The following DTNB variants were observed in gnomAD, a reference collection of about 807,000 sequenced individuals.
DTNB encodes dystrobrevin beta, also known as DTN-B.
A neutral mutation model predicts 90.7 loss-of-function variants in DTNB; 63 were observed. The observed-to-expected ratio is 0.69, with a 90% CI of 0.57 to 0.86. DTNB has a LOEUF of 0.86. DTNB is among the 40% of genes least tolerant of loss of function. The pLI, the probability that DTNB is intolerant of heterozygous loss-of-function variation, is 0.00. For synonymous variants in DTNB, 277 were observed against 286.7 expected, an observed-to-expected ratio of 0.97 and a Z score of 0.34; for missense variants, 744 against 807.1, an observed-to-expected ratio of 0.92 and a Z score of 0.95.
chr2:25,628,735 T>C lies in DTNB; in HGVS notation c.149-351A>G, dbSNP rs563049386. 9.2e-5 allele frequency among the ~76,000 whole-genome samples: 14 copies of C among 152,360 alleles called. No homozygotes were observed. The East Asian group carries it at 2.1e-3, about 23-fold the overall frequency. Reference sequence around the variant, plus strand: ...CTTTTTGAAAATTTGCTGTATTACCTTGAGTCAGCTTTACTGTATTACTTT... The same window carrying C: ...CTTTTTGAAAATTTGCTGTATTACCCTGAGTCAGCTTTACTGTATTACTTT... On this transcript the variant is annotated intron_variant, in intron 3 of 20. Transcript: ENST00000406818.
At position 25,405,265 on chromosome 2, in the gene DTNB, G is replaced by T. The variant is rs983784743; in HGVS notation, c.1575+14250C>A. On this transcript the variant is annotated intron_variant, in intron 16 of 20. Coordinates refer to ENST00000406818, the MANE Select transcript of DTNB (RefSeq NM_021907.5). Reference sequence around the variant, plus strand: ...ATTAAAAATAAAATGTTCTGGCGGGGTGTGGTGGCTCACGCCTGTAATTCT... The same window carrying T: ...ATTAAAAATAAAATGTTCTGGCGGGTTGTGGTGGCTCACGCCTGTAATTCT... 5.3e-5 allele frequency among the ~76,000 whole-genome samples: 8 copies of T among 152,186 alleles called. 1 individual carries two copies. Among genetic ancestry groups the T allele is most frequent in the African/African-American group, 1.7e-4 (7 of 41,438 alleles).
chr2:25,471,411 C>G (rs909571443), intron 10 of DTNB, among the ~76,000 whole-genome samples: 25 of 147,852 alleles, frequency 1.7e-4, no homozygotes, highest in African/African-American at 6.3e-4. Context: ...TTTCCCGAGA[C>G]GGAGTCTCAC....
At chr2:25,462,852 C>T (rs1283011407) in intron 10 of DTNB, among the ~76,000 whole-genome samples, 3 of 152,094 alleles carry the variant, frequency 2.0e-5, no homozygotes, top group Non-Finnish European at 4.4e-5. Context: ...TACAGGCGCC[C>T]GCCACCACGC....
At chr2:25,483,003 G>A (rs558707485) in intron 9 of DTNB, 130 bp from the exon 10 acceptor site, 24 of 882,946 alleles carry the variant, frequency 2.7e-5, no homozygotes, top group Admixed American at 7.6e-5. Flanking sequence ...CCCATGGGGA[G>A]GGGGGGGACC....
chr2:25,472,710 C>T (rs531818791), intron 10 of DTNB, among the ~76,000 whole-genome samples: 2 of 152,188 alleles, frequency 1.3e-5, no homozygotes, highest in South Asian at 2.1e-4. Context: ...ATGGTAAAAC[C>T]CCATCTCTAC....
intron 10 of DTNB, among the ~76,000 whole-genome samples, chr2:25,475,435 G>A (rs1192984191): frequency 6.6e-6 from 1 of 152,208 alleles, no homozygotes; most frequent in African/African-American, 2.4e-5. Flanking sequence ...AAGAAGAGCT[G>A]GAAGCTAACA....
chr2:25,451,545 TA>T lies in DTNB; in HGVS notation c.1257+2del. Reference sequence around the variant, plus strand: ...ACTCTCCTGGGATCCTCCATTAACTTACCACGTTTCCTGCTTCTGCAGCCAG... The same window carrying T: ...ACTCTCCTGGGATCCTCCATTAACTTCCACGTTTCCTGCTTCTGCAGCCAG... On this transcript the variant is annotated splice_donor_variant, in intron 12 of 20. Transcript: ENST00000406818. LOFTEE classifies it high-confidence loss of function. The T allele has an allele frequency of 2.5e-6, 4 of 1,605,240 alleles. No homozygotes were observed. Among genetic ancestry groups the T allele is most frequent in the Non-Finnish European group, 3.4e-6 (4 of 1,175,752 alleles).
chr2:25,523,399 G>T (rs2076493458), intron 9 of DTNB, among the ~76,000 whole-genome samples: 1 of 152,082 alleles, frequency 6.6e-6, no homozygotes, highest in African/African-American at 2.4e-5. Flanking sequence ...CAGCACTTTG[G>T]GTGGCCAAGG....
At chr2:25,440,497 A>C (rs2057123412) in intron 12 of DTNB, among the ~76,000 whole-genome samples, 1 of 152,222 alleles carries the variant, frequency 6.6e-6, no homozygotes, top group South Asian at 2.1e-4. Flanking sequence ...CTGAAAAAGG[A>C]AGCTGAACTT....
chr2:25,506,014 T>C (rs1307105978), intron 9 of DTNB, among the ~76,000 whole-genome samples: 1 of 152,216 alleles, frequency 6.6e-6, no homozygotes, highest in African/African-American at 2.4e-5. Flanking sequence ...CTGAAGATTA[T>C]ATGTTAACTG....
At chr2:25,646,138 C>T (rs775808173) in intron 2 of DTNB, among the ~76,000 whole-genome samples, 2 of 152,072 alleles carry the variant, frequency 1.3e-5, no homozygotes, top group Admixed American at 1.3e-4. Flanking sequence ...CATGCCTCAC[C>T]GTACCTCTCG....
At chr2:25,468,270 A>G (rs1257017757) in intron 10 of DTNB, among the ~76,000 whole-genome samples, 1 of 152,188 alleles carries the variant, frequency 6.6e-6, no homozygotes, top group Non-Finnish European at 1.5e-5. Flanking sequence ...CCAAGTTGTC[A>G]TAACAGGATG....
At chr2:25,651,303 C>G (rs1283567270) in intron 2 of DTNB, among the ~76,000 whole-genome samples, 1 of 152,214 alleles carries the variant, frequency 6.6e-6, no homozygotes, top group Admixed American at 6.5e-5. Flanking sequence ...ATTAAGTTAA[C>G]TTGCCTAAGG....
chr2:25,536,499 G>A (rs2079808060), intron 8 of DTNB, among the ~76,000 whole-genome samples: 1 of 152,194 alleles, frequency 6.6e-6, no homozygotes. Flanking sequence ...GCCAGGAGCT[G>A]GAGACCAGCC....
In DTNB at chr2:25,548,389, TA is replaced by T. The variant is rs547594641; in HGVS notation, c.877-16793del. 3.4e-3 allele frequency among the ~76,000 whole-genome samples: 516 copies of T among 152,246 alleles called. 2 individuals are homozygous for T. The highest frequency in any genetic ancestry group is 0.012 in the African/African-American group (489 of 41,530). On this transcript the variant is annotated intron_variant, in intron 8 of 20. Transcript: ENST00000406818. ...ATAAAGTTAGAAGTTTATATTCTTT[TA>T]AAATTCAAGATGTGTGTTAAGGTTT... is the stretch of plus-strand genomic sequence containing the variant.
intron 1 of DTNB, among the ~76,000 whole-genome samples, chr2:25,666,515 A>G (rs2084483058): frequency 6.6e-6 from 1 of 152,242 alleles, no homozygotes; most frequent in Non-Finnish European, 1.5e-5. Flanking sequence ...AGGCAATGCC[A>G]TAACAAAGAA....
At chr2:25,420,262 CTT>C (rs56815083) in intron 15 of DTNB, among the ~76,000 whole-genome samples, 1 of 63,882 alleles carries the variant, frequency 1.6e-5, no homozygotes, top group African/African-American at 5.0e-5. Flanking sequence ...CAGGCACAGT[CTT>C]TTTTTTTTTT....
Position 25,534,468 on chromosome 2 carries a change from C to T in DTNB, c.877-2871G>A, listed in dbSNP as rs370570853. On this transcript the variant is annotated intron_variant, in intron 8 of 20. Transcript: ENST00000406818. ...TCCCCACATTTCCCCCTTTTCTTTT[C>T]GACAAAACCGCCATCGTCGTCATGG... 1.4e-3 allele frequency among the ~76,000 whole-genome samples: 208 copies of T among 152,144 alleles called. 4 individuals carry two copies. In the East Asian group the frequency reaches 0.034, roughly 25 times the overall value.
intron 9 of DTNB, among the ~76,000 whole-genome samples, chr2:25,529,548 TG>T (rs2077761426): frequency 6.6e-6 from 1 of 150,750 alleles, no homozygotes; most frequent in Non-Finnish European, 1.5e-5. Context: ...AACTGTGCTA[TG>T]GAACACTGTG....
Sources: gnomAD v4.1 joint callset for allele counts (sites outside exome capture counted in the v4.1 genomes callset) on GRCh38, gnomAD v4.1.1 for gene constraint, MANE v1.5 for transcripts, NCBI Gene and HGNC (gene_info 2026-07-23, HGNC 2026-07-21) for gene names.